The following PZP variants were observed in gnomAD, a reference collection of about 807,000 sequenced individuals.
The protein encoded by PZP is PZP alpha-2-macroglobulin like.
A neutral mutation model predicts 179.8 loss-of-function variants in PZP; 150 were observed. That is an observed-to-expected ratio of 0.83 (90% confidence interval 0.73 to 0.96). The LOEUF (loss-of-function observed/expected upper bound fraction) is 0.96. Ranked by LOEUF, PZP falls within the 40% of genes least tolerant of loss-of-function variation. The pLI is 0.00. For synonymous variants in PZP, 624 were observed against 652.3 expected (o/e 0.96, Z 0.66); for missense variants, 1,689 against 1,764.0 (o/e 0.96, Z 0.76).
intron 1 of PZP, among the ~76,000 whole-genome samples, chr12:9,207,972 C>T (rs1944525172): frequency 6.6e-6 from 1 of 152,136 alleles, no homozygotes; most frequent in Admixed American, 6.5e-5. Context: ...TATTCAGTGC[C>T]TTCCATCCAA....
chr12:9,194,228 A>G lies in PZP; in HGVS notation c.1103T>C (p.Val368Ala), dbSNP rs1943616429. Residue 368 changes from valine (V) to alanine (A), a missense_variant, in exon 11 of 36, where the codon GTG (valine) becomes GCG (alanine). Transcript: ENST00000261336. ...GGGGATGGGCACACCTTTTCCATCC[A>G]CCAGAAGCACCTAAAGAAGAAAAGT... Reference protein sequence around the residue: ...GIPFFAQVLLVDGKGVPIPNK... With the variant: ...GIPFFAQVLLADGKGVPIPNK... 6.2e-7 allele frequency: 1 copy of G among 1,613,790 alleles called. No individual in the cohort carries two copies. Among genetic ancestry groups the G allele is most frequent in the Admixed American group, 1.7e-5 (1 of 59,976 alleles).
rs771101059 is a variant in PZP, at chr12:9,149,013, C to T, written c.4427-19G>A. ...TCTGTATCTATGGAGAAAAGAAAAA[C>T]GTAAGGAGGTTGTATCATTTCCTGA... On this transcript the variant is annotated intron_variant, in intron 35 of 35. Transcript: ENST00000261336. 2.1e-5 allele frequency: 34 copies of T among 1,607,364 alleles called. No individual in the cohort carries two copies. The highest frequency in any genetic ancestry group is 8.8e-5 in the South Asian group (8 of 90,908).
intron 22 of PZP, among the ~76,000 whole-genome samples, chr12:9,161,876 A>G (rs1592462299): frequency 6.6e-6 from 1 of 152,144 alleles, no homozygotes. Flanking sequence ...GAAATGCTAT[A>G]TGTTTTGTCA....
At chr12:9,165,476 G>A in intron 18 of PZP, 109 bp from the exon 19 acceptor site, 1 of 1,223,698 alleles carries the variant, frequency 8.2e-7, no homozygotes, top group Non-Finnish European at 1.2e-6. Flanking sequence ...CCACTTAAGG[G>A]TATATGCGAG....
intron 13 of PZP, among the ~76,000 whole-genome samples, chr12:9,186,857 G>A (rs965780265): frequency 6.7e-6 from 1 of 150,068 alleles, no homozygotes; most frequent in African/African-American, 2.5e-5. Context: ...GTCGGGGGTG[G>A]GGGGCTGGGG....
intron 12 of PZP, 58 bp downstream of exon 12, chr12:9,192,454 A>C (rs1051144483): frequency 1.4e-4 from 214 of 1,497,320 alleles, no homozygotes; most frequent in Non-Finnish European, 1.9e-4. Context: ...TCCTGAGCCT[A>C]TTGACCACTT....
At chr12:9,149,478 C>A in intron 35 of PZP, 83 bp downstream of exon 35, 6 of 1,363,436 alleles carry the variant, frequency 4.4e-6, no homozygotes, top group South Asian at 2.7e-5. Context: ...GTAGGAAAAG[C>A]CTTGTAGAGA....
chr12:9,157,352 G>A lies in PZP; in HGVS notation c.3373C>T (p.Pro1125Ser). ...CAGAACAGGGCATTGCGAACAATAG[G>A]GTTCTGTAAAGGCAAAATGTGGTTG... The part of the protein sequence containing the change: ...LLEIPLPVTN[P>S]IVRNALFCLE... The change falls in exon 28 of 36, where the codon CCT becomes TCT. Residue 1125 changes from proline to serine, a missense_variant. Coordinates refer to ENST00000261336, the MANE Select transcript of PZP (RefSeq NM_002864.3). 6.2e-7 allele frequency: 1 copy of A among 1,610,738 alleles called. No homozygotes were observed. Among genetic ancestry groups the A allele is most frequent in the East Asian group, 2.2e-5 (1 of 44,816 alleles).
At chr12:9,204,251 C>A (rs914839111) in intron 1 of PZP, among the ~76,000 whole-genome samples, 1 of 152,130 alleles carries the variant, frequency 6.6e-6, no homozygotes, top group African/African-American at 2.4e-5. Context: ...TAAACTTTAA[C>A]TTTGACCTTT....
intron 13 of PZP, among the ~76,000 whole-genome samples, chr12:9,186,468 T>C (rs190891794): frequency 1.9e-4 from 29 of 152,148 alleles, no homozygotes; most frequent in Middle Eastern, 3.4e-3. Flanking sequence ...GCAAGCCAGA[T>C]GAAGAAGCAA....
chr12:9,171,422 C>T (rs749128362), intron 15 of PZP, among the ~76,000 whole-genome samples: 23 of 152,294 alleles, frequency 1.5e-4, no homozygotes, highest in Non-Finnish European at 2.2e-4. Flanking sequence ...TCAAAAACAA[C>T]GAAAACTCAA....
intron 15 of PZP, among the ~76,000 whole-genome samples, chr12:9,173,682 C>T (rs760047383): frequency 1.6e-4 from 25 of 152,004 alleles, no homozygotes; most frequent in East Asian, 3.9e-4. Context: ...AACAACCATC[C>T]GCAAATACTA....
chr12:9,179,531 T>A (rs1170133725), intron 15 of PZP, among the ~76,000 whole-genome samples: 2 of 152,228 alleles, frequency 1.3e-5, no homozygotes, highest in Non-Finnish European at 2.9e-5. Flanking sequence ...GTGTAGTAGG[T>A]CATTTTTTAA....
intron 20 of PZP, 34 bp downstream of exon 20, chr12:9,164,099 T>A: frequency 5.0e-6 from 8 of 1,587,526 alleles, no homozygotes; most frequent in Non-Finnish European, 6.9e-6. Context: ...CCGTCCTTGT[T>A]GATTGATAGG....
Position 9,192,533 on chromosome 12 carries a change from C to T in PZP, c.1461G>A (p.Ser487=), listed in dbSNP as rs374450463. 22 of 1,613,532 alleles carry T rather than the reference C, an allele frequency of 1.4e-5. No individual in the cohort carries two copies. Among genetic ancestry groups the T allele is most frequent in the Non-Finnish European group, 1.7e-5 (20 of 1,179,636 alleles). Residue 487 remains serine, a synonymous_variant, in exon 12 of 36, where the codon TCG becomes TCA. Coordinates refer to ENST00000261336, the MANE Select transcript of PZP (RefSeq NM_002864.3). ...TLNRQAMGEL[S]ELSFHYLIMA... ...TTACCAGGTAATGGAAACTGAGCTC[C>T]GATAACTCTCCCATGGCCTGTCTAT...
intron 22 of PZP, among the ~76,000 whole-genome samples, chr12:9,161,559 A>G (rs773660955): frequency 2.0e-5 from 3 of 152,208 alleles, no homozygotes; most frequent in Admixed American, 1.3e-4. Flanking sequence ...CCTAAGACTT[A>G]GTGGGGGAAC....
At chr12:9,150,881 A>G in intron 33 of PZP, 135 bp from the exon 34 acceptor site, 1 of 648,382 alleles carries the variant, frequency 1.5e-6, no homozygotes, top group East Asian at 2.9e-5. Context: ...GGATGTCAAG[A>G]TGGGTTTTAG....
chr12:9,145,117 A>G (rs1179099836), downstream of PZP, among the ~76,000 whole-genome samples: 1 of 152,138 alleles, frequency 6.6e-6, no homozygotes, highest in African/African-American at 2.4e-5. Context: ...TGTTTTTTTA[A>G]CTTTTCAGTC....
downstream of PZP, among the ~76,000 whole-genome samples, chr12:9,145,709 C>T (rs1476659707): frequency 6.6e-6 from 1 of 152,154 alleles, no homozygotes; most frequent in African/African-American, 2.4e-5. Flanking sequence ...CTCTCTTTAG[C>T]ATTTCTGGTA....
Sources: gnomAD v4.1 joint callset for allele counts (sites outside exome capture counted in the v4.1 genomes callset) on GRCh38, gnomAD v4.1.1 for gene constraint, MANE v1.5 for transcripts, NCBI Gene and HGNC (gene_info 2026-07-23, HGNC 2026-07-21) for gene names.